Variants in WDR49 observed in about 807,000 individuals in gnomAD.
The protein encoded by WDR49 is WD repeat domain 49, also known as cilia- and flagella-associated protein 337.
In WDR49, 107 loss-of-function variants were observed where a neutral mutation model predicts 119.5. The observed-to-expected ratio is 0.90, with a 90% CI of 0.77 to 1.05. WDR49 has a LOEUF of 1.05. Among genes scored for constraint, WDR49 ranks in the 50% least tolerant of loss-of-function variants. WDR49 has a pLI of 0.00. For synonymous variants in WDR49, 425 were observed against 418.8 expected, an observed-to-expected ratio of 1.01 and a Z score of -0.18; for missense variants, 1,240 against 1,220.5, an observed-to-expected ratio of 1.02 and a Z score of -0.24.
chr3:167,555,528 A>G (rs974615591), intron 9 of WDR49, among the ~76,000 whole-genome samples: 1 of 152,244 alleles, frequency 6.6e-6, no homozygotes, highest in South Asian at 2.1e-4. Context: ...CACAAGTTAC[A>G]ACATATGCTT....
chr3:167,591,824 G>T (rs1043305892), intron 7 of WDR49, among the ~76,000 whole-genome samples: 1 of 151,868 alleles, frequency 6.6e-6, no homozygotes, highest in Admixed American at 6.6e-5. Flanking sequence ...AGATAATTGG[G>T]TCTTGTTTTT....
chr3:167,489,860 T>A (rs535556487), intron 18 of WDR49, among the ~76,000 whole-genome samples: 1 of 152,258 alleles, frequency 6.6e-6, no homozygotes, highest in South Asian at 2.1e-4. Context: ...CTTCCTCCTA[T>A]TCTGTGTCCT....
At chr3:167,525,755 A>G (rs1481950029) in intron 15 of WDR49, among the ~76,000 whole-genome samples, 2 of 152,100 alleles carry the variant, frequency 1.3e-5, no homozygotes, top group African/African-American at 4.8e-5. Context: ...GACATACCAT[A>G]CAACTTACTT....
chr3:167,613,080 G>T (rs905966223), intron 5 of WDR49, among the ~76,000 whole-genome samples: 4 of 152,140 alleles, frequency 2.6e-5, no homozygotes, highest in Non-Finnish European at 5.9e-5. Context: ...AAGTGTAAAT[G>T]CTTGAGGTGA....
In WDR49 at chr3:167,488,060, C is replaced by T. The variant is rs138288679; in HGVS notation, c.3032-9064G>A. Among the ~76,000 whole-genome samples, 202 of 151,432 alleles carry T rather than the reference C, an allele frequency of 1.3e-3. 5 individuals are homozygous for T. In the East Asian group the frequency reaches 0.031, roughly 23 times the overall value. On this transcript the variant is annotated intron_variant, in intron 18 of 18. Transcript: ENST00000682715. Reference sequence around the variant, plus strand: ...AGGAAAATGCATTCATGTGTTATCACCATGCTATTCACAATAGCAAAGACA... The same window carrying T: ...AGGAAAATGCATTCATGTGTTATCATCATGCTATTCACAATAGCAAAGACA...
chr3:167,595,008 A>G (rs1447312701), intron 7 of WDR49, among the ~76,000 whole-genome samples: 2 of 150,288 alleles, frequency 1.3e-5, no homozygotes, highest in African/African-American at 4.9e-5. Context: ...CTGATAAGCA[A>G]CTTCAGCAAA....
At chr3:167,642,038 G>A (rs1335333030) in intron 2 of WDR49, among the ~76,000 whole-genome samples, 1 of 151,820 alleles carries the variant, frequency 6.6e-6, no homozygotes. Context: ...ATGAGAGGAT[G>A]GGAAGAAAAG....
intron 18 of WDR49, among the ~76,000 whole-genome samples, chr3:167,498,753 G>A (rs1242815997): frequency 6.6e-6 from 1 of 152,126 alleles, no homozygotes; most frequent in East Asian, 1.9e-4. Flanking sequence ...ACATTTCCTG[G>A]TTGTTTGATG....
intron 2 of WDR49, among the ~76,000 whole-genome samples, chr3:167,627,714 G>A (rs1163128608): frequency 6.6e-6 from 1 of 152,036 alleles, no homozygotes; most frequent in African/African-American, 2.4e-5. Flanking sequence ...CCCATTTGGG[G>A]CTTCTGAACT....
At chr3:167,485,984 A>G (rs1750904736) in intron 18 of WDR49, among the ~76,000 whole-genome samples, 1 of 152,114 alleles carries the variant, frequency 6.6e-6, no homozygotes, top group Non-Finnish European at 1.5e-5. Context: ...AAAGAAAAAA[A>G]AAAGGCAGTT....
chr3:167,520,848 C>G (rs760280401), intron 16 of WDR49, among the ~76,000 whole-genome samples: 9 of 152,060 alleles, frequency 5.9e-5, no homozygotes, highest in Admixed American at 3.3e-4. Flanking sequence ...AAGATATAAA[C>G]AAAGGATGCG....
At chr3:167,526,348 T>C (rs1752627223) in intron 15 of WDR49, among the ~76,000 whole-genome samples, 1 of 152,188 alleles carries the variant, frequency 6.6e-6, no homozygotes, top group Admixed American at 6.6e-5. Flanking sequence ...GTGTTATTTC[T>C]TGGTTCGACC....
intron 15 of WDR49, among the ~76,000 whole-genome samples, chr3:167,525,723 T>C (rs1046627214): frequency 1.4e-4 from 21 of 152,126 alleles, no homozygotes; most frequent in African/African-American, 4.8e-4. Flanking sequence ...TCTTCACTCC[T>C]ATTTCTCCAA....
At chr3:167,616,607 T>A (rs1716606240) in intron 5 of WDR49, among the ~76,000 whole-genome samples, 1 of 151,462 alleles carries the variant, frequency 6.6e-6, no homozygotes, top group African/African-American at 2.4e-5. Context: ...GAAAGGCAAA[T>A]AATTAGAGTC....
intron 8 of WDR49, among the ~76,000 whole-genome samples, chr3:167,562,226 G>T (rs190104352): frequency 3.0e-4 from 46 of 152,268 alleles, no homozygotes; most frequent in Admixed American, 1.5e-3. Context: ...CAGTTGGCTT[G>T]TAAAGATACT....
intron 18 of WDR49, among the ~76,000 whole-genome samples, chr3:167,486,324 C>A (rs1750915552): frequency 6.6e-6 from 1 of 152,070 alleles, no homozygotes; most frequent in Admixed American, 6.6e-5. Context: ...GCCCACAGTT[C>A]ACTATAAAGC....
intron 10 of WDR49, among the ~76,000 whole-genome samples, chr3:167,553,504 G>A (rs1238301816): frequency 1.3e-5 from 2 of 152,018 alleles, no homozygotes. Flanking sequence ...ATAAATTAAG[G>A]AAATGGCATT....
At position 167,627,198 on chromosome 3, in the gene WDR49, C is replaced by T; in HGVS notation, c.260G>A (p.Gly87Glu). 4.0e-6 allele frequency: 5 copies of T among 1,254,638 alleles called. No individual in the cohort carries two copies. Among genetic ancestry groups the T allele is most frequent in the Non-Finnish European group, 4.0e-6 (4 of 1,000,704 alleles). 77.7% of individuals were successfully genotyped at this position (1,254,638 alleles called of 1,614,324 possible). Residue 87 changes from glycine (G) to glutamate (E), a missense_variant, in exon 3 of 19, where the codon GGG (glycine) becomes GAG (glutamate). Transcript: ENST00000682715. ...IVGWGTKEEY[G>E]ELFDKVDVAQ... Reference sequence around the variant, plus strand: ...CACATCCACTTTGTCAAAGAGCTCCCCATATTCTTCCTTCGTGCCCCAACC... The same window carrying T: ...CACATCCACTTTGTCAAAGAGCTCCTCATATTCTTCCTTCGTGCCCCAACC...
At chr3:167,490,697 G>C (rs991462378) in intron 18 of WDR49, among the ~76,000 whole-genome samples, 1 of 152,016 alleles carries the variant, frequency 6.6e-6, no homozygotes, top group Admixed American at 6.6e-5. Flanking sequence ...ACTATGTATT[G>C]TCTCCAGCAC....
Sources: allele counts gnomAD v4.1 joint callset (sites outside exome capture counted in the v4.1 genomes callset), GRCh38; gene constraint gnomAD v4.1.1; transcripts MANE v1.5; gene names NCBI Gene and HGNC (gene_info 2026-07-23, HGNC 2026-07-21).